DPP10: variants seen among roughly 807,000 people sequenced by gnomAD.
DPP10 encodes inactive dipeptidyl peptidase 10.
A neutral mutation model predicts 120.9 loss-of-function variants in DPP10; 33 were observed. That is an observed-to-expected ratio of 0.27 (90% CI 0.21 to 0.37). The LOEUF is 0.37. Among genes scored for constraint, DPP10 ranks in the 10% least tolerant of loss-of-function variants. The pLI is 1.00. For synonymous variants in DPP10, 337 were observed against 326.1 expected (o/e 1.03, Z -0.36); for missense variants, 816 against 942.8 (o/e 0.87, Z 1.76).
At chr2:114,541,016 C>T (rs1349427783) in intron 1 of DPP10, among the ~76,000 whole-genome samples, 1 of 152,196 alleles carries the variant, frequency 6.6e-6, no homozygotes, top group Non-Finnish European at 1.5e-5. Context: ...CTTGTTTCCT[C>T]TCCATCTTTA....
chr2:115,814,823 A>G lies in DPP10; in HGVS notation c.1731A>G (p.Thr577=). The G allele has an allele frequency of 6.4e-7, 1 of 1,570,662 alleles. No homozygotes were observed. Among genetic ancestry groups the G allele is most frequent in the Middle Eastern group, 1.7e-4 (1 of 5,914 alleles). ...AAGAACCAGGAGGCCAGCTGGTTAC[A>G]GATAAGTTCCATATTGACTGGGATT... ...MDEEPGGQLV[T]DKFHIDWDSV... is the part of the protein sequence containing the mutation. Residue 577 remains threonine (T), a synonymous_variant, in exon 20 of 26, where the codon ACA becomes ACG. Coordinates refer to ENST00000410059, the MANE Select transcript of DPP10 (RefSeq NM_020868.6).
chr2:114,622,460 T>C (rs1171106283), intron 1 of DPP10, among the ~76,000 whole-genome samples: 1 of 151,878 alleles, frequency 6.6e-6, no homozygotes, highest in Non-Finnish European at 1.5e-5. Context: ...ATGATTGCTA[T>C]ATCTTGTGCA....
At chr2:115,734,347 A>G (rs2092981317) in intron 8 of DPP10, among the ~76,000 whole-genome samples, 1 of 152,046 alleles carries the variant, frequency 6.6e-6, no homozygotes, top group African/African-American at 2.4e-5. Flanking sequence ...TGTATCTTCA[A>G]ATCTCATAGA....
At chr2:115,764,564 A>G (rs1680495165) in intron 12 of DPP10, among the ~76,000 whole-genome samples, 1 of 152,126 alleles carries the variant, frequency 6.6e-6, no homozygotes. Context: ...ATCTTTTGCT[A>G]TTACTTTGAT....
At chr2:115,402,901 A>G (rs1017015346) in intron 3 of DPP10, among the ~76,000 whole-genome samples, 3 of 131,776 alleles carry the variant, frequency 2.3e-5, no homozygotes, top group Non-Finnish European at 4.9e-5. Flanking sequence ...GTATATATAT[A>G]TGTATATATA....
chr2:115,377,768 T>C (rs2065930654), intron 3 of DPP10, among the ~76,000 whole-genome samples: 1 of 151,992 alleles, frequency 6.6e-6, no homozygotes. Context: ...GCTTTCTACA[T>C]ATGGCTAGCC....
At chr2:114,654,889 G>A (rs75038591) in intron 1 of DPP10, among the ~76,000 whole-genome samples, 5,260 of 152,196 alleles carry the variant, frequency 0.035, 149 homozygotes, top group Middle Eastern at 0.058. Context: ...TTAAAAGGAG[G>A]GGATACTGGT....
At chr2:115,338,064 T>G (rs2063251295) in intron 2 of DPP10, among the ~76,000 whole-genome samples, 1 of 152,044 alleles carries the variant, frequency 6.6e-6, no homozygotes, top group Admixed American at 6.6e-5. Context: ...ATTATTAAAC[T>G]ATTCCAGAGC....
chr2:115,252,090 T>G (rs2105676379), intron 1 of DPP10, among the ~76,000 whole-genome samples: 1 of 152,358 alleles, frequency 6.6e-6, no homozygotes, highest in Admixed American at 6.5e-5. Context: ...AATCGGAACA[T>G]ATCGCCTCAT....
intron 1 of DPP10, among the ~76,000 whole-genome samples, chr2:114,558,452 C>T (rs1375534629): frequency 6.6e-6 from 1 of 152,254 alleles, no homozygotes; most frequent in Admixed American, 6.5e-5. Context: ...ACATTCTCGT[C>T]TTTCTGGCAT....
intron 7 of DPP10, among the ~76,000 whole-genome samples, chr2:115,721,225 C>T (rs1356772345): frequency 1.3e-5 from 2 of 152,256 alleles, no homozygotes; most frequent in Non-Finnish European, 1.5e-5. Context: ...TGCCAGCAGT[C>T]CCCCATGTCC....
intron 1 of DPP10, among the ~76,000 whole-genome samples, chr2:115,256,187 C>A (rs1350336287): frequency 6.6e-6 from 1 of 152,150 alleles, no homozygotes; most frequent in East Asian, 1.9e-4. Context: ...GCAAACACGT[C>A]TTTCTTCATA....
intron 1 of DPP10, among the ~76,000 whole-genome samples, chr2:114,847,149 C>T (rs989019787): frequency 2.0e-5 from 3 of 152,122 alleles, no homozygotes; most frequent in African/African-American, 7.2e-5. Flanking sequence ...GCTGGGATTA[C>T]AGGAGTGAGC....
chr2:115,590,352 G>A (rs1230193737), intron 5 of DPP10, among the ~76,000 whole-genome samples: 2 of 151,880 alleles, frequency 1.3e-5, no homozygotes, highest in African/African-American at 2.4e-5. Context: ...AGTGTTTGAT[G>A]TTCCCCACCC....
chr2:115,544,334 G>A (rs1048329971), intron 5 of DPP10, among the ~76,000 whole-genome samples: 5 of 152,020 alleles, frequency 3.3e-5, no homozygotes, highest in African/African-American at 9.7e-5. Context: ...TTCAGCATAT[G>A]TGTCCATGAT....
chr2:114,912,573 T>A (rs1379292562), intron 1 of DPP10, among the ~76,000 whole-genome samples: 1 of 151,298 alleles, frequency 6.6e-6, no homozygotes. Flanking sequence ...TCAAGTAGAC[T>A]AGCATATTCC....
rs186845815 is a variant in DPP10, at chr2:115,773,821, T to G, written c.1222-3387T>G. ...GTTCAGTCATCTACCATATTCTGATTGGTATTAAGATTATTAGCCAGGTCA... is the reference window on the plus strand; with the variant it reads ...GTTCAGTCATCTACCATATTCTGATGGGTATTAAGATTATTAGCCAGGTCA... On this transcript the variant is annotated intron_variant, in intron 13 of 25. Transcript: ENST00000410059. 3.3e-3 allele frequency among the ~76,000 whole-genome samples: 506 copies of G among 152,164 alleles called. 6 individuals carry two copies. Among genetic ancestry groups the G allele is most frequent in the Non-Finnish European group, 4.1e-3 (282 of 67,960 alleles).
chr2:115,491,391 A>G (rs1294392092), intron 3 of DPP10, among the ~76,000 whole-genome samples: 4 of 152,172 alleles, frequency 2.6e-5, no homozygotes, highest in Non-Finnish European at 5.9e-5. Flanking sequence ...GGTTTTCTTT[A>G]GTTGAAACCT....
chr2:114,874,643 A>G (rs1690996291), intron 1 of DPP10, among the ~76,000 whole-genome samples: 2 of 152,090 alleles, frequency 1.3e-5, no homozygotes, highest in Non-Finnish European at 2.9e-5. Context: ...ATAATAGTAT[A>G]AAGTGCACAA....
Sources: gnomAD v4.1 joint callset for allele counts (sites outside exome capture counted in the v4.1 genomes callset) on GRCh38, gnomAD v4.1.1 for gene constraint, MANE v1.5 for transcripts, NCBI Gene and HGNC (gene_info 2026-07-23, HGNC 2026-07-21) for gene names.